Variants in RBFOX1 observed in about 807,000 individuals in gnomAD.
The protein encoded by RBFOX1 is RNA binding protein fox-1 homolog 1.
RBFOX1 carries 8 observed loss-of-function variants against 57.7 expected under a neutral mutation model. That is an observed-to-expected ratio of 0.14 (90% CI 0.08 to 0.25). The LOEUF is 0.25. Ranked by LOEUF, RBFOX1 falls within the 10% of genes least tolerant of loss-of-function variation. The pLI is 1.00. For missense variants in RBFOX1, 611 were observed against 548.5 expected, an observed-to-expected ratio of 1.11 and a Z score of -1.14; for synonymous variants, 326 against 222.4, an observed-to-expected ratio of 1.47 and a Z score of -4.15.
chr16:6,349,934 G>A (rs2086005491), intron 2 of RBFOX1, among the ~76,000 whole-genome samples: 1 of 152,170 alleles, frequency 6.6e-6, no homozygotes, highest in South Asian at 2.1e-4. Context: ...GGGCAGTGGT[G>A]AGCTTAACTG....
chr16:5,373,584 G>A lies in RBFOX1; in HGVS notation c.220-93632G>A, dbSNP rs182691033. 8.6e-5 allele frequency among the ~76,000 whole-genome samples: 13 copies of A among 151,922 alleles called. No individual in the cohort carries two copies. In the East Asian group the frequency reaches 9.7e-4, roughly 11 times the overall value. ...TACTTCCTGTACAGCCTGCAGAACCGTGAGCCAGTTAAACGTCTTTTCTTT... is the reference window on the plus strand; with the variant it reads ...TACTTCCTGTACAGCCTGCAGAACCATGAGCCAGTTAAACGTCTTTTCTTT... On this transcript the variant is annotated intron_variant, in intron 1 of 2. Transcript: ENST00000585867.
intron 1 of RBFOX1, among the ~76,000 whole-genome samples, chr16:5,399,503 G>A (rs377258875): frequency 8.6e-5 from 13 of 152,046 alleles, no homozygotes; most frequent in African/African-American, 3.1e-4. Context: ...TTGGTGAATG[G>A]GTTCCTTATT....
intron 3 of RBFOX1, among the ~76,000 whole-genome samples, chr16:5,794,932 A>C (rs868249277): frequency 6.6e-6 from 1 of 152,138 alleles, no homozygotes; most frequent in Non-Finnish European, 1.5e-5. Context: ...CTGTCTGTGG[A>C]ATTCCCCAGG....
intron 2 of RBFOX1, among the ~76,000 whole-genome samples, chr16:5,562,215 G>A (rs1012564268): frequency 6.6e-6 from 1 of 152,108 alleles, no homozygotes; most frequent in Non-Finnish European, 1.5e-5. Context: ...GTTTATTTCC[G>A]AGGACACCAT....
chr16:6,556,227 T>C (rs961314550), intron 2 of RBFOX1, among the ~76,000 whole-genome samples: 1 of 152,240 alleles, frequency 6.6e-6, no homozygotes, highest in Non-Finnish European at 1.5e-5. Context: ...TCAACGTCTC[T>C]CTATCTACTT....
At chr16:5,268,567 G>A (rs1173042962) in intron 1 of RBFOX1, among the ~76,000 whole-genome samples, 2 of 152,330 alleles carry the variant, frequency 1.3e-5, no homozygotes, top group Middle Eastern at 3.4e-3. Context: ...TCCACGATTG[G>A]AGCAGAGGGT....
At chr16:6,105,716 G>T (rs2096370699) in intron 1 of RBFOX1, among the ~76,000 whole-genome samples, 1 of 151,022 alleles carries the variant, frequency 6.6e-6, no homozygotes, top group South Asian at 2.1e-4. Context: ...TAATTCCCTT[G>T]TCATTCCTGT....
At chr16:7,432,328 A>G (rs1359283351) in intron 4 of RBFOX1, among the ~76,000 whole-genome samples, 1 of 152,222 alleles carries the variant, frequency 6.6e-6, no homozygotes, top group Non-Finnish European at 1.5e-5. Context: ...ACTCCCAGAG[A>G]GAAGGGTAAT....
intron 14 of RBFOX1, among the ~76,000 whole-genome samples, chr16:7,677,159 A>ACACACACC (rs1568412758): frequency 1.3e-5 from 2 of 151,324 alleles, no homozygotes; most frequent in Non-Finnish European, 2.9e-5. Flanking sequence ...ACACACACAC[A>ACACACACC]CCGTACAACC....
intron 4 of RBFOX1, among the ~76,000 whole-genome samples, chr16:7,330,748 GTCTT>G (rs201470843): frequency 0.014 from 2,205 of 152,106 alleles, 57 homozygotes; most frequent in African/African-American, 0.049. Context: ...TGGTCCAGTG[GTCTT>G]TCTATTTTAC....
intron 4 of RBFOX1, among the ~76,000 whole-genome samples, chr16:7,383,280 A>G (rs1428079274): frequency 6.6e-6 from 1 of 152,024 alleles, no homozygotes; most frequent in Non-Finnish European, 1.5e-5. Context: ...AAAAAAAAAA[A>G]ACGTAAAATG....
intron 4 of RBFOX1, among the ~76,000 whole-genome samples, chr16:7,151,889 C>T (rs1008066816): frequency 6.6e-6 from 1 of 152,060 alleles, no homozygotes; most frequent in African/African-American, 2.4e-5. Context: ...ATGCTGCTGC[C>T]GATCTGACAG....
At chr16:6,736,466 G>A (rs2070341785) in intron 3 of RBFOX1, among the ~76,000 whole-genome samples, 1 of 152,106 alleles carries the variant, frequency 6.6e-6, no homozygotes, top group African/African-American at 2.4e-5. Flanking sequence ...TCTCATCCAT[G>A]TCATTGCAAA....
At chr16:6,657,151 T>C (rs138175275) in intron 3 of RBFOX1, among the ~76,000 whole-genome samples, 2 of 149,222 alleles carry the variant, frequency 1.3e-5, no homozygotes, top group African/African-American at 5.0e-5. Flanking sequence ...TCCTCTTCTC[T>C]CCTCTTTTCC....
At chr16:5,436,811 C>T (rs937259039) in intron 1 of RBFOX1, among the ~76,000 whole-genome samples, 1 of 151,646 alleles carries the variant, frequency 6.6e-6, no homozygotes. Flanking sequence ...GCACTCCAGC[C>T]TGGGTGACAG....
At chr16:6,365,488 A>G (rs1411519293) in intron 2 of RBFOX1, among the ~76,000 whole-genome samples, 1 of 152,102 alleles carries the variant, frequency 6.6e-6, no homozygotes, top group Non-Finnish European at 1.5e-5. Context: ...GGGTAGGTGT[A>G]TGGATACCTT....
At chr16:6,922,993 C>G (rs905289143) in intron 3 of RBFOX1, among the ~76,000 whole-genome samples, 1 of 152,190 alleles carries the variant, frequency 6.6e-6, no homozygotes, top group Non-Finnish European at 1.5e-5. Flanking sequence ...AATACACAAA[C>G]TACTTATAAA....
chr16:6,886,091 C>G (rs1393571615), intron 3 of RBFOX1, among the ~76,000 whole-genome samples: 3 of 143,962 alleles, frequency 2.1e-5, no homozygotes, highest in South Asian at 2.2e-4. Flanking sequence ...GAGACGGAGT[C>G]TCGCTCTGTC....
intron 2 of RBFOX1, among the ~76,000 whole-genome samples, chr16:6,640,598 A>T (rs1343523085): frequency 1.3e-5 from 2 of 151,524 alleles, no homozygotes; most frequent in Non-Finnish European, 2.9e-5. Context: ...ACAGAGTAAG[A>T]CTCCATTGCC....
Sources: allele counts gnomAD v4.1 joint callset (sites outside exome capture counted in the v4.1 genomes callset), GRCh38; gene constraint gnomAD v4.1.1; transcripts MANE v1.5; gene names NCBI Gene and HGNC (gene_info 2026-07-23, HGNC 2026-07-21).